Variants in DNAJC16 observed in about 807,000 individuals in gnomAD.
DNAJC16 encodes dnaJ homolog subfamily C member 16.
Under a neutral mutation model 92.7 loss-of-function variants are expected in DNAJC16, and 76 were observed. The ratio of observed to expected loss-of-function variants is 0.82; its 90% CI spans 0.68 to 0.99. DNAJC16 has a LOEUF of 0.99. Among genes scored for constraint, DNAJC16 ranks in the 50% least tolerant of loss-of-function variants. DNAJC16 has a pLI of 0.00. For synonymous variants in DNAJC16, 328 were observed against 358.7 expected (o/e 0.91, Z 0.97); for missense variants, 869 against 942.4 (o/e 0.92, Z 1.02).
At chr1:15,528,156 G>A (rs916163950) in intron 1 of DNAJC16, among the ~76,000 whole-genome samples, 4 of 152,168 alleles carry the variant, frequency 2.6e-5, no homozygotes, top group African/African-American at 4.8e-5. Flanking sequence ...CATATTGGCC[G>A]GCGCGATGGC....
chr1:15,540,365 C>A (rs1165413029), intron 4 of DNAJC16, among the ~76,000 whole-genome samples: 2 of 152,088 alleles, frequency 1.3e-5, no homozygotes, highest in Non-Finnish European at 2.9e-5. Flanking sequence ...ATGTAAAACA[C>A]CAAATATTTA....
In DNAJC16 at chr1:15,567,920, G is replaced by A. The variant is rs1338348138; in HGVS notation, c.2092G>A (p.Val698Ile). The change falls in exon 15 of 15, where the codon GTA becomes ATA. Residue 698 changes from valine to isoleucine, a missense_variant. Transcript: ENST00000375847. ...HFMERDYTGYVLALNGHKKYF... is the reference protein window; with the variant it reads ...HFMERDYTGYILALNGHKKYF... ...CATGGAGCGTGACTACACTGGTTAT[G>A]TACTGGCTCTGAATGGCCACAAGAA... 4 of 1,614,190 alleles carry A rather than the reference G, an allele frequency of 2.5e-6. No homozygotes were observed. Among genetic ancestry groups the A allele is most frequent in the Non-Finnish European group, 3.4e-6 (4 of 1,180,032 alleles).
chr1:15,541,064 A>G (rs1401110834), intron 4 of DNAJC16, among the ~76,000 whole-genome samples: 2 of 152,208 alleles, frequency 1.3e-5, no homozygotes, highest in East Asian at 3.8e-4. Context: ...TTCCTTAGCC[A>G]TAAAGATAGC....
intron 4 of DNAJC16, chr1:15,542,391 G>T (rs925948449): frequency 5.9e-5 from 9 of 152,402 alleles, no homozygotes; most frequent in Non-Finnish European, 1.0e-4. Context: ...ACATGGAGGT[G>T]CCTGGAGGGT....
chr1:15,555,818 C>T (rs964697967), intron 7 of DNAJC16, among the ~76,000 whole-genome samples: 1 of 150,890 alleles, frequency 6.6e-6, no homozygotes, highest in Non-Finnish European at 1.5e-5. Context: ...ATGGAGAAAC[C>T]CCGTCTCTAC....
rs1301927851 is a variant in DNAJC16, at chr1:15,544,473, T to C, written c.649T>C (p.Ser217Pro). 1.2e-6 allele frequency: 2 copies of C among 1,614,060 alleles called. No homozygotes were observed. Among genetic ancestry groups the C allele is most frequent in the Non-Finnish European group, 1.7e-6 (2 of 1,180,030 alleles). The change falls in exon 5 of 15, where the codon TCT (serine) becomes CCT (proline). Residue 217 changes from serine to proline, a missense_variant. By Grantham distance (74) the Ser-to-Pro change is moderately conservative (BLOSUM62 -1). Transcript: ENST00000375847. ...TCACCTAGGGGCACACAGCACGCCC[T>C]CTATCCTAGGAATCATTAACGGGAA... is the stretch of plus-strand genomic sequence containing the variant. Reference protein sequence around the residue: ...AHHLGAHSTPSILGIINGKIS... With the variant: ...AHHLGAHSTPPILGIINGKIS...
At chr1:15,549,104 G>C (rs960012773) in intron 7 of DNAJC16, among the ~76,000 whole-genome samples, 1 of 152,152 alleles carries the variant, frequency 6.6e-6, no homozygotes, top group Non-Finnish European at 1.5e-5. Flanking sequence ...GTACTATCTT[G>C]CTAGAGGCAG....
chr1:15,529,657 A>G (rs1403823031), intron 2 of DNAJC16, among the ~76,000 whole-genome samples: 2 of 152,226 alleles, frequency 1.3e-5, no homozygotes, highest in South Asian at 2.1e-4. Flanking sequence ...CAGGAACACT[A>G]TACAACCCTA....
chr1:15,535,722 T>TCG (rs1710763092), intron 3 of DNAJC16, among the ~76,000 whole-genome samples: 1 of 151,960 alleles, frequency 6.6e-6, no homozygotes, highest in Non-Finnish European at 1.5e-5. Flanking sequence ...AGAGTGAGAC[T>TCG]CTATCTCGAA....
At chr1:15,558,613 T>C (rs1346196207) in intron 7 of DNAJC16, among the ~76,000 whole-genome samples, 1 of 152,154 alleles carries the variant, frequency 6.6e-6, no homozygotes, top group Non-Finnish European at 1.5e-5. Context: ...GTTAGAGGAA[T>C]GAGCCTCCAT....
In DNAJC16 at chr1:15,568,567, C is replaced by T. The variant is rs2103430893; in HGVS notation, c.*390C>T. ...GACCCTCATGAGCCTGTCGTGCAGG[C>T]CAGGTCATTGGCCCCTTCCCCAATC... On this transcript the variant is annotated 3_prime_UTR_variant, in exon 15 of 15. Coordinates refer to ENST00000375847, the MANE Select transcript of DNAJC16 (RefSeq NM_015291.4). The T allele has an allele frequency of 2.4e-6, 1 of 413,578 alleles. No individual in the cohort carries two copies. The highest frequency in any genetic ancestry group is 3.5e-5 in the East Asian group (1 of 28,938). 25.6% of individuals were successfully genotyped at this position (413,578 alleles called of 1,614,324 possible).
chr1:15,528,941 A>T, intron 1 of DNAJC16, 147 bp from the exon 2 acceptor site: 1 of 547,624 alleles, frequency 1.8e-6, no homozygotes. Context: ...TTTTTATTTT[A>T]AGATACAGTT....
chr1:15,555,656 T>C (rs1387708035), intron 7 of DNAJC16, among the ~76,000 whole-genome samples: 1 of 132,588 alleles, frequency 7.5e-6, no homozygotes, highest in Non-Finnish European at 1.5e-5. Context: ...CACTCCAGCC[T>C]GGGCGACAGA....
At chr1:15,536,244 G>C (rs1488127651) in intron 3 of DNAJC16, among the ~76,000 whole-genome samples, 1 of 151,202 alleles carries the variant, frequency 6.6e-6, no homozygotes, top group African/African-American at 2.4e-5. Context: ...CGGCTGATTT[G>C]ATTTTTTGTA....
At chr1:15,528,349 G>A (rs1183980122) in intron 1 of DNAJC16, among the ~76,000 whole-genome samples, 1 of 152,130 alleles carries the variant, frequency 6.6e-6, no homozygotes, top group Non-Finnish European at 1.5e-5. Context: ...CAGGAGACTT[G>A]CTTGAACCTG....
intron 6 of DNAJC16, 39 bp from the exon 7 acceptor site, chr1:15,548,231 T>C: frequency 6.2e-7 from 1 of 1,603,744 alleles, no homozygotes; most frequent in Non-Finnish European, 8.5e-7. Context: ...ACATCTTTGC[T>C]GTAGTTTTAT....
rs1357784379 is a variant in DNAJC16 at position 15,571,598 on chromosome 1, CA to C, written c.*3424del. On this transcript the variant is annotated 3_prime_UTR_variant, in exon 15 of 15. Coordinates refer to ENST00000375847, the MANE Select transcript of DNAJC16 (RefSeq NM_015291.4). ...TCTTAGGAACAAATAACTTATTTGG[CA>C]AATTGTTTCTTTTTTATGTTTTGGG... 6.6e-6 allele frequency: 1 copy of C among 152,536 alleles called. No individual in the cohort carries two copies. Among genetic ancestry groups the C allele is most frequent in the African/African-American group, 2.4e-5 (1 of 41,434 alleles). The allele number at this position is 152,536 out of a possible 1,614,324, so 9.4% of individuals were successfully genotyped here. A position where few individuals can be genotyped will look rare whatever the true frequency, so the allele number is the denominator to read the frequency against.
Position 15,527,913 on chromosome 1 carries a change from T to C in DNAJC16, c.-19+955T>C, listed in dbSNP as rs967021885. ...AAAACATTGTAGGGTATAACAGCAATCATAATTGTGGAGTATAAATATCTG... is the reference window on the plus strand; with the variant it reads ...AAAACATTGTAGGGTATAACAGCAACCATAATTGTGGAGTATAAATATCTG... On this transcript the variant is annotated intron_variant, in intron 1 of 14. Transcript: ENST00000375847. Among the ~76,000 whole-genome samples, 4 of 152,298 alleles carry C rather than the reference T, an allele frequency of 2.6e-5. 1 individual carries two copies. The highest frequency in any genetic ancestry group is 6.8e-3 in the Middle Eastern group (2 of 294).
At chr1:15,528,501 A>G (rs1375026864) in intron 1 of DNAJC16, among the ~76,000 whole-genome samples, 1 of 152,164 alleles carries the variant, frequency 6.6e-6, no homozygotes, top group Non-Finnish European at 1.5e-5. Context: ...TCTTGTTTGA[A>G]TGGTGTGGTG....
Sources: gnomAD v4.1 joint callset for allele counts (sites outside exome capture counted in the v4.1 genomes callset) on GRCh38, gnomAD v4.1.1 for gene constraint, MANE v1.5 for transcripts, NCBI Gene and HGNC (gene_info 2026-07-23, HGNC 2026-07-21) for gene names.